The following TMEM266 variants were observed in gnomAD, a reference collection of about 807,000 sequenced individuals.
TMEM266 encodes the protein Hv1 related protein 1.
TMEM266 carries 33 observed loss-of-function variants against 50.5 expected under a neutral mutation model. That is an observed-to-expected ratio of 0.65 (90% CI 0.50 to 0.87). The LOEUF is 0.87. TMEM266 is among the 40% of genes least tolerant of loss of function. TMEM266 has a pLI of 0.00. For missense variants in TMEM266, 655 were observed against 695.1 expected, an observed-to-expected ratio of 0.94 and a Z score of 0.65; for synonymous variants, 310 against 292.3, an observed-to-expected ratio of 1.06 and a Z score of -0.62.
chr15:76,148,044 G>A (rs952904888), intron 3 of TMEM266, among the ~76,000 whole-genome samples: 1 of 152,230 alleles, frequency 6.6e-6, no homozygotes, highest in South Asian at 2.1e-4. Flanking sequence ...ATATCCGTCC[G>A]TCCCCACCTG....
rs369400642 is a variant in TMEM266 at position 76,161,120 on chromosome 15, G to A, written c.456+952G>A. Among the ~76,000 whole-genome samples, 8 of 152,312 alleles carry A rather than the reference G, an allele frequency of 5.3e-5. No homozygotes were observed. The East Asian group carries it at 1.4e-3, about 26-fold the overall frequency. On this transcript the variant is annotated intron_variant, in intron 5 of 10. Transcript: ENST00000388942. This position sits in a 1 kb window ranked among gnomAD's most constrained non-coding sequence, Gnocchi z 4.1. Reference sequence around the variant, plus strand: ...GCCTAGGACTGGCCCAAGTCAGCGGGCCACTGTGTCACTCTACCCTTGAGT... The same window carrying A: ...GCCTAGGACTGGCCCAAGTCAGCGGACCACTGTGTCACTCTACCCTTGAGT...
At chr15:76,080,755 C>CT (rs935017647) in intron 1 of TMEM266, among the ~76,000 whole-genome samples, 35 of 150,568 alleles carry the variant, frequency 2.3e-4, no homozygotes, top group East Asian at 1.2e-3. Context: ...TGGATTTTTT[C>CT]TTTTTTTTTA....
chr15:76,150,697 C>G (rs1318140770), intron 3 of TMEM266, among the ~76,000 whole-genome samples: 1 of 152,186 alleles, frequency 6.6e-6, no homozygotes, highest in Non-Finnish European at 1.5e-5. Flanking sequence ...CAGCCCTCCC[C>G]ATCCTGGCGC....
chr15:76,191,932 C>G, intron 8 of TMEM266, 36 bp from the exon 9 acceptor site: 1 of 1,532,222 alleles, frequency 6.5e-7, no homozygotes, highest in South Asian at 1.2e-5. Flanking sequence ...GCCGGCCCCT[C>G]GCCGCTGATT....
intron 8 of TMEM266, chr15:76,191,592 C>T (rs563740345): frequency 1.8e-4 from 32 of 174,084 alleles, no homozygotes; most frequent in Non-Finnish European, 3.1e-4. Context: ...TTCATGTTGT[C>T]GAGCACCCCT....
intron 9 of TMEM266, among the ~76,000 whole-genome samples, chr15:76,192,677 T>C (rs1232097138): frequency 1.3e-5 from 2 of 152,074 alleles, no homozygotes; most frequent in Non-Finnish European, 2.9e-5. Context: ...GAGACGGTGA[T>C]GTTGGTGGAG....
At chr15:76,143,080 C>T (rs141952683) in intron 3 of TMEM266, among the ~76,000 whole-genome samples, 32 of 152,276 alleles carry the variant, frequency 2.1e-4, no homozygotes, top group African/African-American at 5.3e-4. Context: ...TGGGCTGCAC[C>T]GCACCCCGGT....
chr15:76,153,867 TG>T lies in TMEM266; in HGVS notation c.228-2736del, dbSNP rs2037882166. 3.9e-5 allele frequency among the ~76,000 whole-genome samples: 6 copies of T among 152,044 alleles called. No individual in the cohort carries two copies. The South Asian group carries it at 1.0e-3, about 26-fold the overall frequency. ...AAGGCTCGTTAATGGATGGAAGCGC[TG>T]TGCCGCTGGCACTGCTGCGGGCAGC... is the stretch of plus-strand genomic sequence containing the variant. On this transcript the variant is annotated intron_variant, in intron 3 of 10. Transcript: ENST00000388942. This position sits in a 1 kb window ranked among gnomAD's most constrained non-coding sequence, Gnocchi z 4.2.
At chr15:76,181,841 A>T (rs17352695) in intron 8 of TMEM266, among the ~76,000 whole-genome samples, 17,778 of 152,210 alleles carry the variant, frequency 0.12, 1,176 homozygotes, top group South Asian at 0.16. Flanking sequence ...ATCTCGCTCT[A>T]GTTCCGAAAC....
intron 1 of TMEM266, among the ~76,000 whole-genome samples, chr15:76,129,487 C>G (rs1029975153): frequency 2.0e-5 from 3 of 151,776 alleles, no homozygotes; most frequent in African/African-American, 7.3e-5. Flanking sequence ...ACTAAAAATA[C>G]AAAATTAGCC....
intron 9 of TMEM266, among the ~76,000 whole-genome samples, chr15:76,201,283 G>T (rs1187043481): frequency 1.3e-5 from 2 of 152,142 alleles, no homozygotes; most frequent in African/African-American, 4.8e-5. Context: ...CTCTTAGGAT[G>T]GCTTTTGGGG....
At chr15:76,099,622 C>G (rs925310862) in intron 1 of TMEM266, among the ~76,000 whole-genome samples, 1 of 152,160 alleles carries the variant, frequency 6.6e-6, no homozygotes, top group Non-Finnish European at 1.5e-5. Context: ...AGTCATAGAG[C>G]TGGAAAATGG....
intron 3 of TMEM266, among the ~76,000 whole-genome samples, chr15:76,144,825 G>A (rs997882944): frequency 1.1e-4 from 16 of 152,160 alleles, no homozygotes; most frequent in Non-Finnish European, 1.9e-4. Context: ...GGGAACAGGG[G>A]AGGTATCTGC....
chr15:76,117,545 G>C (rs1252169773), intron 1 of TMEM266, among the ~76,000 whole-genome samples: 3 of 152,170 alleles, frequency 2.0e-5, no homozygotes, highest in African/African-American at 7.2e-5. Flanking sequence ...GGATCAGTTT[G>C]GGTCTTAGAG....
rs771230165 is a variant in TMEM266, at chr15:76,088,728, CG to C, written c.-97+28714del. Among the ~76,000 whole-genome samples the C allele has an allele frequency of 4.6e-5, 7 of 151,958 alleles. No individual in the cohort carries two copies. In the East Asian group the frequency reaches 9.7e-4, roughly 21 times the overall value. Reference sequence around the variant, plus strand: ...AGGAGAATGGCATGAACCCGGGAGGCGGAGCTTGCAGTGAGCTGAGATCACG... The same window carrying C: ...AGGAGAATGGCATGAACCCGGGAGGCGAGCTTGCAGTGAGCTGAGATCACG... On this transcript the variant is annotated intron_variant, in intron 1 of 10. Transcript: ENST00000388942.
chr15:76,121,098 C>T (rs75698962), intron 1 of TMEM266, among the ~76,000 whole-genome samples: 1,523 of 152,112 alleles, frequency 0.01, 24 homozygotes, highest in African/African-American at 0.035. Flanking sequence ...CAAATATCAG[C>T]CTATAAATAA....
At chr15:76,163,764 G>T (rs1274266319) in intron 5 of TMEM266, among the ~76,000 whole-genome samples, 4 of 152,186 alleles carry the variant, frequency 2.6e-5, no homozygotes, top group African/African-American at 9.6e-5. Context: ...AAAGGCCCAG[G>T]CAGCCCCAGC....
chr15:76,094,020 T>C (rs1420353008), intron 1 of TMEM266, among the ~76,000 whole-genome samples: 1 of 152,074 alleles, frequency 6.6e-6, no homozygotes, highest in African/African-American at 2.4e-5. Flanking sequence ...TGTTAGCCCT[T>C]TGTCAGATGC....
At position 76,060,360 on chromosome 15, in the gene TMEM266, A is replaced by AC. The variant is rs568599244; in HGVS notation, c.-97+344_-97+345insC. Among the ~76,000 whole-genome samples, 156 of 142,844 alleles carry AC rather than the reference A, an allele frequency of 1.1e-3. 1 individual carries two copies. The highest frequency in any genetic ancestry group is 3.8e-3 in the African/African-American group (149 of 39,054). The allele number at this position is 142,844 out of a possible 152,430, so 93.7% of individuals were successfully genotyped here. A position where few individuals can be genotyped will look rare whatever the true frequency, so the allele number is the denominator to read the frequency against. The stretch of plus-strand genomic sequence containing the variant: ...TTTATTAATAAAACATGCAAGCTGG[A>AC]GGGGGGGGTTGCTGCTGGGGGGAAT... On this transcript the variant is annotated intron_variant, in intron 1 of 10. Transcript: ENST00000388942.
Sources: gnomAD v4.1 joint callset for allele counts (sites outside exome capture counted in the v4.1 genomes callset) on GRCh38, gnomAD v4.1.1 for gene constraint, Gnocchi (gnomAD v3.1) non-coding constraint, MANE v1.5 for transcripts, NCBI Gene and HGNC (gene_info 2026-07-23, HGNC 2026-07-21) for gene names.